JAM3: variants seen among roughly 807,000 people sequenced by gnomAD.
JAM3 encodes junctional adhesion molecule 3.
A neutral mutation model predicts 39.4 loss-of-function variants in JAM3; 31 were observed. The ratio of observed to expected loss-of-function variants is 0.79; its 90% CI spans 0.59 to 1.06. The LOEUF (loss-of-function observed/expected upper bound fraction) is 1.06, where lower values mean the gene tolerates loss of function less well. Among genes scored for constraint, JAM3 ranks in the 50% least tolerant of loss-of-function variants. The pLI is 0.00. For synonymous variants in JAM3, 182 were observed against 148.7 expected (o/e 1.22, Z -1.63); for missense variants, 455 against 391.4 (o/e 1.16, Z -1.37).
At chr11:134,112,813 G>A (rs1306631037) in intron 1 of JAM3, among the ~76,000 whole-genome samples, 2 of 152,200 alleles carry the variant, frequency 1.3e-5, no homozygotes, top group Non-Finnish European at 2.9e-5. Context: ...CTGCCTTCAT[G>A]TCGTGTAAGA....
chr11:134,100,048 T>C (rs1942046935), intron 1 of JAM3, among the ~76,000 whole-genome samples: 2 of 152,240 alleles, frequency 1.3e-5, no homozygotes, highest in African/African-American at 2.4e-5. Flanking sequence ...TCTCCTTTGA[T>C]GAAAGTTAAA....
intron 1 of JAM3, among the ~76,000 whole-genome samples, chr11:134,082,797 AC>A (rs951720625): frequency 6.6e-6 from 1 of 151,348 alleles, no homozygotes; most frequent in African/African-American, 2.4e-5. Context: ...GGGATTTATA[AC>A]CCCCCCAGAA....
At chr11:134,121,821 G>GCACACACA (rs1555117431) in intron 1 of JAM3, among the ~76,000 whole-genome samples, 1 of 148,422 alleles carries the variant, frequency 6.7e-6, no homozygotes, top group African/African-American at 2.5e-5. Context: ...GCATGTGTGC[G>GCACACACA]CACACACACA....
rs1343917236 is a variant in JAM3, at chr11:134,148,610, T to G, written c.776T>G (p.Ile259Ser). Residue 259 changes from isoleucine to serine, a missense_variant, in exon 7 of 9, where the codon ATC (isoleucine) becomes AGC (serine). Physicochemically the swap from Ile to Ser is moderately radical, Grantham distance 142. Coordinates refer to ENST00000299106, the MANE Select transcript of JAM3 (RefSeq NM_032801.5). ...GTTGTCCTTGCTGTACTGGCCCTGA[T>G]CACGTTGGGCATCTGCTGTGCATAC... ...VLVVLAVLALITLGICCAYRR... is the reference protein window; with the variant it reads ...VLVVLAVLALSTLGICCAYRR... 6.2e-7 allele frequency: 1 copy of G among 1,614,068 alleles called. No homozygotes were observed. The highest frequency in any genetic ancestry group is 8.5e-7 in the Non-Finnish European group (1 of 1,180,052).
chr11:134,147,937 G>A (rs944857016), intron 6 of JAM3: 14 of 154,168 alleles, frequency 9.1e-5, no homozygotes, highest in African/African-American at 3.4e-4. Context: ...ACGGCTGCCA[G>A]AGCCCCATAT....
chr11:134,122,466 T>G (rs1236326296), intron 1 of JAM3, among the ~76,000 whole-genome samples: 1 of 152,194 alleles, frequency 6.6e-6, no homozygotes, highest in Non-Finnish European at 1.5e-5. Flanking sequence ...CTCTTCTGGA[T>G]CAGTCCACTA....
At chr11:134,076,232 G>A (rs973279784) in intron 1 of JAM3, among the ~76,000 whole-genome samples, 5 of 138,568 alleles carry the variant, frequency 3.6e-5, no homozygotes, top group African/African-American at 5.4e-5. Flanking sequence ...TCGGCTCACC[G>A]CAACTGCCAC....
intron 1 of JAM3, among the ~76,000 whole-genome samples, chr11:134,084,754 T>C (rs1046795046): frequency 6.6e-6 from 1 of 152,194 alleles, no homozygotes; most frequent in African/African-American, 2.4e-5. Context: ...AGGAACCACT[T>C]ACAAGGCCCT....
At chr11:134,115,007 A>C (rs548664115) in intron 1 of JAM3, among the ~76,000 whole-genome samples, 4 of 152,302 alleles carry the variant, frequency 2.6e-5, no homozygotes, top group South Asian at 4.2e-4. Flanking sequence ...TTTTTGCATA[A>C]TATATTTTGA....
At chr11:134,122,522 G>A (rs1161373207) in intron 1 of JAM3, among the ~76,000 whole-genome samples, 1 of 152,138 alleles carries the variant, frequency 6.6e-6, no homozygotes, top group African/African-American at 2.4e-5. Context: ...CGCTTCACCA[G>A]CAACACAGTC....
chr11:134,069,101 A>G lies in JAM3; in HGVS notation c.18A>G (p.Pro6=). The change falls in exon 1 of 9, where the codon CCA becomes CCG. Residue 6 remains proline, a synonymous_variant. Coordinates refer to ENST00000299106, the MANE Select transcript of JAM3 (RefSeq NM_032801.5). Reference sequence around the variant, plus strand: ...CCCTCGACATGGCGCTGAGGCGGCCACCGCGACTCCGGCTCTGCGCTCGGC... The same window carrying G: ...CCCTCGACATGGCGCTGAGGCGGCCGCCGCGACTCCGGCTCTGCGCTCGGC... The part of the protein sequence containing the change: MALRR[P]PRLRLCARLP... 6.2e-7 allele frequency: 1 copy of G among 1,611,766 alleles called. No individual in the cohort carries two copies. Among genetic ancestry groups the G allele is most frequent in the Non-Finnish European group, 8.5e-7 (1 of 1,179,188 alleles).
chr11:134,122,577 T>TTATG (rs1310013910), intron 1 of JAM3, among the ~76,000 whole-genome samples: 2 of 152,206 alleles, frequency 1.3e-5, no homozygotes, highest in Non-Finnish European at 2.9e-5. Context: ...TTCTACCCTG[T>TTATG]TATGGCCTGT....
intron 1 of JAM3, among the ~76,000 whole-genome samples, chr11:134,081,158 T>C (rs1591770009): frequency 6.6e-6 from 1 of 152,200 alleles, no homozygotes; most frequent in South Asian, 2.1e-4. Flanking sequence ...TTCAGTTTTA[T>C]AAGAGAAGCA....
intron 1 of JAM3, among the ~76,000 whole-genome samples, chr11:134,116,118 T>A (rs1263709433): frequency 6.6e-6 from 1 of 152,222 alleles, no homozygotes; most frequent in African/African-American, 2.4e-5. Context: ...CTCAAGGAGA[T>A]GGAAATTAAG....
intron 1 of JAM3, among the ~76,000 whole-genome samples, chr11:134,100,494 C>G (rs188054334): frequency 1.3e-5 from 2 of 152,158 alleles, no homozygotes; most frequent in Admixed American, 6.5e-5. Flanking sequence ...TTAGACTCTC[C>G]TTCTCTTTAA....
chr11:134,145,088 T>C (rs1943047288), intron 5 of JAM3, 94 bp downstream of exon 5: 1 of 1,073,146 alleles, frequency 9.3e-7, no homozygotes, highest in Non-Finnish European at 1.4e-6. Context: ...TACTGAAACT[T>C]CTTGATAAGA....
At chr11:134,111,629 A>C (rs977600381) in intron 1 of JAM3, among the ~76,000 whole-genome samples, 3 of 152,170 alleles carry the variant, frequency 2.0e-5, no homozygotes, top group African/African-American at 4.8e-5. Context: ...CCTGTTTTTG[A>C]AATTCTGTAG....
At chr11:134,110,154 A>T (rs1293414776) in intron 1 of JAM3, among the ~76,000 whole-genome samples, 3 of 152,250 alleles carry the variant, frequency 2.0e-5, no homozygotes, top group Non-Finnish European at 4.4e-5. Flanking sequence ...AAAACTAAAA[A>T]GATTGACTAT....
intron 3 of JAM3, 22 bp from the exon 4 acceptor site, chr11:134,144,219 G>C (rs1016830203): frequency 6.8e-6 from 11 of 1,613,872 alleles, no homozygotes; most frequent in Non-Finnish European, 9.3e-6. Flanking sequence ...AAGTTTTTTA[G>C]TGCCTCGTGT....
Sources: gnomAD v4.1 joint callset for allele counts (sites outside exome capture counted in the v4.1 genomes callset) on GRCh38, gnomAD v4.1.1 for gene constraint, MANE v1.5 for transcripts, NCBI Gene and HGNC (gene_info 2026-07-23, HGNC 2026-07-21) for gene names.